Variants in CSMD1 observed in about 807,000 individuals in gnomAD.
CSMD1 encodes CUB and sushi domain-containing protein 1.
CSMD1 carries 213 observed loss-of-function variants against 417.5 expected under a neutral mutation model. The observed-to-expected ratio is 0.51, with a 90% CI of 0.46 to 0.57. The LOEUF (loss-of-function observed/expected upper bound fraction) is 0.57. Ranked by LOEUF, CSMD1 falls within the 20% of genes least tolerant of loss-of-function variation. The pLI is 0.00. For synonymous variants in CSMD1, 2,862 were observed against 1,736.8 expected (o/e 1.65, Z -16.11); for missense variants, 6,923 against 4,529.7 (o/e 1.53, Z -15.17).
chr8:4,718,387 A>T (rs183017062), intron 1 of CSMD1, among the ~76,000 whole-genome samples: 28 of 152,356 alleles, frequency 1.8e-4, no homozygotes, highest in African/African-American at 6.5e-4. Flanking sequence ...GAGTCAACTT[A>T]ACATGATAAA....
chr8:4,498,450 T>C (rs578010615), intron 2 of CSMD1, among the ~76,000 whole-genome samples: 1 of 152,338 alleles, frequency 6.6e-6, no homozygotes, highest in South Asian at 2.1e-4. Context: ...TACTTAATTT[T>C]TAATTTTTTA....
rs1812548502 is a variant in CSMD1 at position 3,409,523 on chromosome 8, T to C, written c.1644A>G (p.Thr548=). The C allele has an allele frequency of 1.9e-6, 3 of 1,611,194 alleles. No homozygotes were observed. The highest frequency in any genetic ancestry group is 8.5e-7 in the Non-Finnish European group (1 of 1,178,796). Residue 548 remains threonine, a synonymous_variant, in exon 13 of 70, where the codon ACA becomes ACG. Coordinates refer to ENST00000635120, the MANE Select transcript of CSMD1 (RefSeq NM_033225.6). ...RTGSSFLHGD[T]LTFECPAAFE... ...AGGCCGCCGGGCATTCAAAGGTGAG[T>C]GTATCTCCATGGAGGAAACTGCTGC...
chr8:3,736,169 G>A (rs192400899), intron 6 of CSMD1, among the ~76,000 whole-genome samples: 15 of 152,168 alleles, frequency 9.9e-5, no homozygotes, highest in South Asian at 2.1e-4. Context: ...TCACATCTGC[G>A]TCTAATCATA....
chr8:4,676,864 G>C (rs977513521), intron 1 of CSMD1, among the ~76,000 whole-genome samples: 1 of 150,098 alleles, frequency 6.7e-6, no homozygotes, highest in Admixed American at 6.7e-5. Context: ...TTGAGAGAGA[G>C]ATATACATAT....
At chr8:4,278,754 G>C (rs1796623594) in intron 3 of CSMD1, among the ~76,000 whole-genome samples, 1 of 152,134 alleles carries the variant, frequency 6.6e-6, no homozygotes, top group Non-Finnish European at 1.5e-5. Context: ...CTTGGTATAA[G>C]ATCTGAACAA....
chr8:3,316,095 G>C (rs1379309143), intron 23 of CSMD1, among the ~76,000 whole-genome samples: 1 of 152,156 alleles, frequency 6.6e-6, no homozygotes, highest in Non-Finnish European at 1.5e-5. Flanking sequence ...CTTGGGGCAA[G>C]ACCAGGATCA....
chr8:3,635,048 TAAA>T (rs58803215), intron 7 of CSMD1, among the ~76,000 whole-genome samples: 2 of 145,970 alleles, frequency 1.4e-5, no homozygotes, highest in African/African-American at 2.5e-5. Flanking sequence ...TGTTTAATGA[TAAA>T]AAAAAAAATG....
intron 5 of CSMD1, among the ~76,000 whole-genome samples, chr8:3,782,600 C>G (rs965164999): frequency 1.3e-5 from 2 of 152,154 alleles, no homozygotes; most frequent in Non-Finnish European, 2.9e-5. Context: ...TCCTATGTAA[C>G]AAACCTGCAC....
chr8:3,661,818 G>A (rs539362894), intron 7 of CSMD1, among the ~76,000 whole-genome samples: 11 of 152,264 alleles, frequency 7.2e-5, no homozygotes, highest in African/African-American at 2.6e-4. Flanking sequence ...ATTTAATTCA[G>A]ATGAAGTTTT....
chr8:3,717,156 T>C (rs1801886662), intron 6 of CSMD1, among the ~76,000 whole-genome samples: 1 of 152,222 alleles, frequency 6.6e-6, no homozygotes, highest in Non-Finnish European at 1.5e-5. Flanking sequence ...CTTAAAATTT[T>C]TATTTTCGTC....
chr8:4,506,358 C>T (rs1474121319), intron 2 of CSMD1, among the ~76,000 whole-genome samples: 1 of 151,876 alleles, frequency 6.6e-6, no homozygotes, highest in East Asian at 1.9e-4. Flanking sequence ...AGCACCCAGA[C>T]TCCTTTTCCA....
intron 2 of CSMD1, among the ~76,000 whole-genome samples, chr8:4,545,810 G>C (rs1416212839): frequency 6.6e-6 from 1 of 152,178 alleles, no homozygotes. Context: ...GAGCAAACTA[G>C]CTCATCATCT....
At chr8:4,210,480 C>T (rs2131285036) in intron 3 of CSMD1, among the ~76,000 whole-genome samples, 1 of 152,234 alleles carries the variant, frequency 6.6e-6, no homozygotes, top group Admixed American at 6.5e-5. Flanking sequence ...TGCAAACAGA[C>T]AATAATTCAG....
At position 4,561,306 on chromosome 8, in the gene CSMD1, G is replaced by A. The variant is rs184849038; in HGVS notation, c.302+76036C>T. 1.4e-3 allele frequency among the ~76,000 whole-genome samples: 209 copies of A among 152,258 alleles called. 1 individual carries two copies. Among genetic ancestry groups the A allele is most frequent in the African/African-American group, 4.9e-3 (204 of 41,556 alleles). ...GGGGAATCGTTTGAACTCAGGAGCT[G>A]GAGGTTGCAGTGAATCGAGATCATG... On this transcript the variant is annotated intron_variant, in intron 2 of 69. Coordinates refer to ENST00000635120, the MANE Select transcript of CSMD1 (RefSeq NM_033225.6).
At chr8:4,585,333 G>C (rs556549726) in intron 2 of CSMD1, among the ~76,000 whole-genome samples, 10 of 152,268 alleles carry the variant, frequency 6.6e-5, no homozygotes, top group African/African-American at 1.4e-4. Context: ...ATTAGGCAAA[G>C]TTGAAAAGAG....
At chr8:3,968,014 A>AG (rs1183682453) in intron 5 of CSMD1, among the ~76,000 whole-genome samples, 1 of 149,502 alleles carries the variant, frequency 6.7e-6, no homozygotes, top group Non-Finnish European at 1.5e-5. Flanking sequence ...TAAAAAAAAA[A>AG]AAAAAAAAAA....
At chr8:3,951,620 G>C (rs530286759) in intron 5 of CSMD1, among the ~76,000 whole-genome samples, 1 of 152,160 alleles carries the variant, frequency 6.6e-6, no homozygotes, top group East Asian at 1.9e-4. Flanking sequence ...CTAGGAAACA[G>C]CTGACAAAAA....
At chr8:4,169,749 C>A (rs1009822031) in intron 3 of CSMD1, among the ~76,000 whole-genome samples, 2 of 152,126 alleles carry the variant, frequency 1.3e-5, no homozygotes, top group Admixed American at 1.3e-4. Context: ...TCAAACGCCC[C>A]CTTGAGGACT....
intron 50 of CSMD1, among the ~76,000 whole-genome samples, chr8:3,034,784 T>C (rs1810565956): frequency 6.6e-6 from 1 of 152,158 alleles, no homozygotes; most frequent in African/African-American, 2.4e-5. Flanking sequence ...TTTCATTTCA[T>C]GACATTAAAC....
Sources: allele counts gnomAD v4.1 joint callset (sites outside exome capture counted in the v4.1 genomes callset), GRCh38; gene constraint gnomAD v4.1.1; transcripts MANE v1.5; gene names NCBI Gene and HGNC (gene_info 2026-07-23, HGNC 2026-07-21).